Variants in CEP112 observed in about 807,000 individuals in gnomAD.
CEP112 encodes centrosomal protein of 112 kDa.
CEP112 carries 127 observed loss-of-function variants against 153.0 expected under a neutral mutation model. That is an observed-to-expected ratio of 0.83 (90% confidence interval 0.72 to 0.96). CEP112 has a LOEUF of 0.96. CEP112 is among the 40% of genes least tolerant of loss of function. The pLI, the probability that CEP112 is intolerant of heterozygous loss-of-function variation, is 0.00. For missense variants in CEP112, 1,089 were observed against 1,101.2 expected (o/e 0.99, Z 0.16); for synonymous variants, 358 against 374.4 (o/e 0.96, Z 0.51).
chr17:66,102,525 T>C lies in CEP112; in HGVS notation c.643-5893A>G, dbSNP rs1046880042. On this transcript the variant is annotated intron_variant, in intron 6 of 26. Transcript: ENST00000535342. ...GATAAAGAAAAATTCAGGCCAGGCA[T>C]GGTGGCTCACGCCTGTAATCCCAGA... 1.2e-4 allele frequency among the ~76,000 whole-genome samples: 19 copies of C among 152,152 alleles called. No homozygotes were observed. The East Asian group carries it at 2.1e-3, about 17-fold the overall frequency.
intron 17 of CEP112, among the ~76,000 whole-genome samples, chr17:65,967,687 G>A (rs2062462411): frequency 6.6e-6 from 1 of 152,170 alleles, no homozygotes; most frequent in South Asian, 2.1e-4. Context: ...TTATGTGTAA[G>A]ATAGGAAATA....
chr17:66,107,030 T>C (rs566344599), intron 6 of CEP112, among the ~76,000 whole-genome samples: 3 of 152,072 alleles, frequency 2.0e-5, no homozygotes, highest in Non-Finnish European at 4.4e-5. Flanking sequence ...AACAACACAA[T>C]GAAGGGCAAA....
chr17:66,063,241 T>A (rs1180260213), intron 10 of CEP112, among the ~76,000 whole-genome samples, 160 bp from the exon 11 acceptor site: 2 of 152,170 alleles, frequency 1.3e-5, no homozygotes, highest in Non-Finnish European at 2.9e-5. Context: ...TTTTCTCGAT[T>A]TCTACCACCA....
intron 21 of CEP112, among the ~76,000 whole-genome samples, chr17:65,781,838 C>T (rs1162080437): frequency 6.6e-6 from 1 of 152,116 alleles, no homozygotes; most frequent in Non-Finnish European, 1.5e-5. Flanking sequence ...TCCCTTTTAC[C>T]ATATACAAAA....
chr17:66,038,673 A>G (rs1029472579), intron 12 of CEP112, among the ~76,000 whole-genome samples: 2 of 152,232 alleles, frequency 1.3e-5, no homozygotes, highest in Admixed American at 1.3e-4. Context: ...CAGGGAAGAA[A>G]TAAGTTACTG....
rs1425753237 is a variant in CEP112 at position 65,645,160 on chromosome 17, C to T, written c.2698-4095G>A. ...TTCTGTTGGTTCTCTTCTTCAGAGA[C>T]ACAAACTTTGCATGTGTTGACCCTT... On this transcript the variant is annotated intron_variant, in intron 24 of 26. Transcript: ENST00000535342. Among the ~76,000 whole-genome samples, 4 of 151,764 alleles carry T rather than the reference C, an allele frequency of 2.6e-5. No homozygotes were observed. The East Asian group carries it at 7.7e-4, about 29-fold the overall frequency.
intron 12 of CEP112, among the ~76,000 whole-genome samples, chr17:66,031,492 T>TG (rs1568406112): frequency 3.3e-5 from 2 of 60,352 alleles, no homozygotes; most frequent in Non-Finnish European, 7.8e-5. Flanking sequence ...TTTTGTTTTT[T>TG]TTTTTTTTTG....
At chr17:65,909,257 A>C (rs1319307168) in intron 19 of CEP112, among the ~76,000 whole-genome samples, 1 of 152,222 alleles carries the variant, frequency 6.6e-6, no homozygotes, top group East Asian at 1.9e-4. Flanking sequence ...CAAATTACAA[A>C]CTTTATATTC....
At chr17:66,060,363 T>C (rs957044382) in intron 11 of CEP112, among the ~76,000 whole-genome samples, 7 of 152,150 alleles carry the variant, frequency 4.6e-5, no homozygotes, top group Admixed American at 6.6e-5. Flanking sequence ...GTAATCCCTA[T>C]CAAAATATCA....
intron 25 of CEP112, among the ~76,000 whole-genome samples, chr17:65,640,222 C>T (rs1309399989): frequency 1.2e-4 from 16 of 137,274 alleles, no homozygotes; most frequent in African/African-American, 3.4e-4. Context: ...GGTGTGATCT[C>T]GGCTCACTGC....
chr17:65,768,546 T>C (rs2053140778), intron 21 of CEP112, among the ~76,000 whole-genome samples: 1 of 152,116 alleles, frequency 6.6e-6, no homozygotes, highest in Non-Finnish European at 1.5e-5. Flanking sequence ...AGAACATTGA[T>C]GCAAAACTCT....
intron 17 of CEP112, among the ~76,000 whole-genome samples, chr17:65,970,905 C>T (rs1026372531): frequency 1.2e-5 from 1 of 82,660 alleles, no homozygotes; most frequent in Non-Finnish European, 2.7e-5. Flanking sequence ...GTGTGCATTG[C>T]ATGTATGTTG....
chr17:65,720,949 T>C (rs2049838425), intron 23 of CEP112, among the ~76,000 whole-genome samples: 1 of 152,040 alleles, frequency 6.6e-6, no homozygotes, highest in African/African-American at 2.4e-5. Flanking sequence ...GTCTGGGATT[T>C]GAACCTAGGC....
At chr17:65,942,676 C>A (rs1242545439) in intron 18 of CEP112, among the ~76,000 whole-genome samples, 4 of 152,196 alleles carry the variant, frequency 2.6e-5, no homozygotes. Flanking sequence ...CTTACTTGAA[C>A]TACATTAAAT....
At chr17:65,642,858 T>C (rs1200361282) in intron 24 of CEP112, among the ~76,000 whole-genome samples, 1 of 152,258 alleles carries the variant, frequency 6.6e-6, no homozygotes, top group Non-Finnish European at 1.5e-5. Context: ...TCTGAAAGTT[T>C]GAGTTTCAAC....
intron 21 of CEP112, among the ~76,000 whole-genome samples, chr17:65,832,818 A>C (rs2057140953): frequency 6.6e-6 from 1 of 152,158 alleles, no homozygotes; most frequent in South Asian, 2.1e-4. Flanking sequence ...ATTTCAAAAA[A>C]TTGAGGAGGA....
chr17:66,014,379 C>T (rs578235696), intron 16 of CEP112, among the ~76,000 whole-genome samples: 2 of 152,290 alleles, frequency 1.3e-5, no homozygotes, highest in South Asian at 4.1e-4. Context: ...CCAGGAGAGG[C>T]CAGCCGATGG....
chr17:65,971,153 C>G (rs1316343325), intron 17 of CEP112, among the ~76,000 whole-genome samples: 1 of 150,510 alleles, frequency 6.6e-6, no homozygotes, highest in African/African-American at 2.5e-5. Context: ...GCACATGATA[C>G]ATGTACATTA....
At chr17:65,637,005 T>C in intron 26 of CEP112, 119 bp downstream of exon 26, 1 of 775,948 alleles carries the variant, frequency 1.3e-6, no homozygotes, top group South Asian at 1.7e-5. Context: ...AAAACAAGTC[T>C]TTTTCAAAAC....
Sources: gnomAD v4.1 joint callset for allele counts (sites outside exome capture counted in the v4.1 genomes callset) on GRCh38, gnomAD v4.1.1 for gene constraint, MANE v1.5 for transcripts, NCBI Gene and HGNC (gene_info 2026-07-23, HGNC 2026-07-21) for gene names.